Variants in RYR2 observed in about 807,000 individuals in gnomAD.
The protein encoded by RYR2 is cardiac muscle ryanodine receptor-calcium release channel.
In RYR2, 227 loss-of-function variants were observed where a neutral mutation model predicts 601.1. The observed-to-expected ratio is 0.38, with a 90% CI of 0.34 to 0.42. RYR2 has a LOEUF of 0.42. Ranked by LOEUF, RYR2 falls within the 10% of genes least tolerant of loss-of-function variation. The pLI is 1.00. For synonymous variants in RYR2, 2,223 were observed against 2,175.1 expected (o/e 1.02, Z -0.61); for missense variants, 4,646 against 6,156.5 (o/e 0.75, Z 8.21).
intron 35 of RYR2, among the ~76,000 whole-genome samples, chr1:237,604,547 C>T (rs1205937810): frequency 2.6e-5 from 4 of 152,012 alleles, no homozygotes; most frequent in South Asian, 2.1e-4. Context: ...CAAAGGCTAG[C>T]GGAAGGCAAG....
In RYR2 at chr1:237,388,093, T is replaced by G. The variant is rs1313124965; in HGVS notation, c.683T>G (p.Leu228Arg). The change falls in exon 10 of 105, where the codon CTC becomes CGC. Residue 228 changes from leucine to arginine, a missense_variant. Physicochemically the swap from Leu to Arg is moderately radical, Grantham distance 102. Around this residue, in one of 17 missense-constraint regions of RYR2, gnomAD observed 87 missense variants for 144.7 expected, o/e 0.60. Coordinates refer to ENST00000366574, the MANE Select transcript of RYR2 (RefSeq NM_001035.3). Reference sequence around the variant, plus strand: ...TGATTTTTTATCCTTACAGGGTATCTCATTGGTGGTGATGTCCTCAGGTTG... The same window carrying G: ...TGATTTTTTATCCTTACAGGGTATCGCATTGGTGGTGATGTCCTCAGGTTG... ...SSGSEAAQGY[L>R]IGGDVLRLLH... The G allele has an allele frequency of 6.2e-7, 1 of 1,613,588 alleles. No homozygotes were observed.
intron 2 of RYR2, among the ~76,000 whole-genome samples, chr1:237,298,575 C>T (rs1693038136): frequency 1.3e-5 from 2 of 152,094 alleles, no homozygotes; most frequent in South Asian, 4.2e-4. Flanking sequence ...CTATTAGCTT[C>T]ATTTGGATTT....
At chr1:237,626,597 T>C (rs1348650130) in intron 40 of RYR2, among the ~76,000 whole-genome samples, 1 of 130,972 alleles carries the variant, frequency 7.6e-6, no homozygotes, top group African/African-American at 2.9e-5. Flanking sequence ...TTTTTTTTTT[T>C]TTTTTTTTTT....
chr1:237,246,303 C>T (rs1416099509), intron 1 of RYR2, among the ~76,000 whole-genome samples: 1 of 151,838 alleles, frequency 6.6e-6, no homozygotes, highest in Non-Finnish European at 1.5e-5. Flanking sequence ...CCCATGTTTA[C>T]CAGGCTGGTC....
rs746171474 is a variant in RYR2, at chr1:237,742,270, C to CCTT, written c.11092-26_11092-25insCTT. On this transcript the variant is annotated intron_variant, in intron 79 of 104. Transcript: ENST00000366574. The stretch of plus-strand genomic sequence containing the variant: ...TAAAATCTCAACATATTCCTGTCTC[C>CCTT]TTTTTTTTTTTTTTTAAATATACAG... 1.6e-4 allele frequency: 186 copies of CCTT among 1,182,946 alleles called. 4 individuals are homozygous for CCTT. Among genetic ancestry groups the CCTT allele is most frequent in the Admixed American group, 4.0e-4 (15 of 37,392 alleles). 73.3% of individuals were successfully genotyped at this position (1,182,946 alleles called of 1,614,324 possible).
At chr1:237,242,968 T>G (rs1686370084) in intron 1 of RYR2, among the ~76,000 whole-genome samples, 1 of 152,174 alleles carries the variant, frequency 6.6e-6, no homozygotes, top group Non-Finnish European at 1.5e-5. Flanking sequence ...TTTTCCAGGG[T>G]TGCAAACTCT....
chr1:237,583,543 C>T (rs374656652), intron 29 of RYR2, among the ~76,000 whole-genome samples: 12 of 152,050 alleles, frequency 7.9e-5, no homozygotes, highest in African/African-American at 2.7e-4. Context: ...ACATAGTAGG[C>T]CACAAGCAGC....
rs3766839 is a variant in RYR2 at position 237,505,818 on chromosome 1, G to A, written c.2614-892G>A. Among the ~76,000 whole-genome samples, 1,420 of 152,324 alleles carry A rather than the reference G, an allele frequency of 9.3e-3. 34 individuals are homozygous for A. Among genetic ancestry groups the A allele is most frequent in the East Asian group, 0.074 (384 of 5,184 alleles). The stretch of plus-strand genomic sequence containing the variant: ...TCACACAGAAGTGCTTAATCAAGAC[G>A]TAAACAACCAGTCCCTTACCTTGGG... On this transcript the variant is annotated intron_variant, in intron 22 of 104. Coordinates refer to ENST00000366574, the MANE Select transcript of RYR2 (RefSeq NM_001035.3).
intron 25 of RYR2, among the ~76,000 whole-genome samples, chr1:237,533,765 T>A (rs1668352702): frequency 1.3e-5 from 2 of 152,130 alleles, no homozygotes; most frequent in Admixed American, 1.3e-4. Flanking sequence ...GAAATTATAA[T>A]TCTAGATAGT....
At position 237,756,339 on chromosome 1, in the gene RYR2, G is replaced by C; in HGVS notation, c.11197G>C (p.Asp3733His). Reference protein sequence around the residue: ...KLLYQQARLHDRGAAEMVLQT... With the variant: ...KLLYQQARLHHRGAAEMVLQT... ...TCTATACCAGCAAGCCCGACTCCAC[G>C]ATCGTGGCGCGGCTGAGATGGTGCT... The change falls in exon 81 of 105, where the codon GAT becomes CAT. Residue 3733 changes from aspartate to histidine, a missense_variant. Physicochemically the swap from Asp to His is moderately conservative, Grantham distance 81. Around this residue, in one of 17 missense-constraint regions of RYR2, gnomAD observed 1,497 missense variants for 1,842.6 expected, o/e 0.81. Coordinates refer to ENST00000366574, the MANE Select transcript of RYR2 (RefSeq NM_001035.3). 1 of 1,613,628 alleles carries C rather than the reference G, an allele frequency of 6.2e-7. No individual in the cohort carries two copies. Among genetic ancestry groups the C allele is most frequent in the Admixed American group, 1.7e-5 (1 of 59,998 alleles).
intron 26 of RYR2, among the ~76,000 whole-genome samples, chr1:237,549,314 C>T (rs1169690744): frequency 6.6e-6 from 1 of 152,190 alleles, no homozygotes; most frequent in Non-Finnish European, 1.5e-5. Flanking sequence ...GTGGCTCACA[C>T]TTGTAATCCC....
intron 1 of RYR2, among the ~76,000 whole-genome samples, chr1:237,103,788 C>T (rs528745354): frequency 6.6e-4 from 100 of 152,312 alleles, no homozygotes; most frequent in Admixed American, 1.8e-3. Flanking sequence ...AGGCTGGTCT[C>T]GAACTCCTGA....
At chr1:237,252,455 G>A (rs749864778) in intron 1 of RYR2, among the ~76,000 whole-genome samples, 15 of 152,148 alleles carry the variant, frequency 9.9e-5, no homozygotes, top group Admixed American at 2.0e-4. Context: ...CAGCCCTGTC[G>A]TTAGAATTCC....
At chr1:237,089,866 G>T (rs956080985) in intron 1 of RYR2, among the ~76,000 whole-genome samples, 2 of 152,150 alleles carry the variant, frequency 1.3e-5, no homozygotes, top group African/African-American at 4.8e-5. Flanking sequence ...GGCTGGTGTG[G>T]TCGGCTGAAT....
chr1:237,259,546 A>AGAG (rs71585722), intron 1 of RYR2, among the ~76,000 whole-genome samples: 56,350 of 143,774 alleles, frequency 0.39, 13,631 homozygotes, highest in Non-Finnish European at 0.52. Flanking sequence ...AAAAAAAAAA[A>AGAG]AGAGAGACTA....
rs1196206912 is a variant in RYR2 at position 237,500,693 on chromosome 1, A to G, written c.2204-18A>G. 1 of 1,566,094 alleles carries G rather than the reference A, an allele frequency of 6.4e-7. No homozygotes were observed. The highest frequency in any genetic ancestry group is 8.7e-7 in the Non-Finnish European group (1 of 1,154,132). ...ATAAAAAAATACATGACCTTCCTTA[A>G]TGTTTTCCCCCCAATAGGTTGTATT... On this transcript the variant is annotated intron_variant, in intron 20 of 104. Transcript: ENST00000366574.
intron 38 of RYR2, among the ~76,000 whole-genome samples, chr1:237,622,874 G>A (rs1679217465): frequency 6.6e-6 from 1 of 152,148 alleles, no homozygotes; most frequent in African/African-American, 2.4e-5. Flanking sequence ...ATACTCCATG[G>A]ATACTAAAGG....
intron 87 of RYR2, among the ~76,000 whole-genome samples, chr1:237,774,981 C>CTTTAT (rs140069998): frequency 0.26 from 38,768 of 148,504 alleles, 5,751 homozygotes; most frequent in African/African-American, 0.42. Context: ...ATGCAAAACT[C>CTTTAT]TAGGGTGTTG....
intron 67 of RYR2, among the ~76,000 whole-genome samples, 167 bp from the exon 68 acceptor site, chr1:237,706,782 G>A (rs1262336860): frequency 6.6e-6 from 1 of 152,146 alleles, no homozygotes; most frequent in African/African-American, 2.4e-5. Flanking sequence ...GGGAAAGAGA[G>A]AAGCTTTGAA....
Sources: allele counts gnomAD v4.1 joint callset (sites outside exome capture counted in the v4.1 genomes callset), GRCh38; gene constraint gnomAD v4.1.1; regional missense constraint gnomAD v4.1.1; transcripts MANE v1.5; gene names NCBI Gene and HGNC (gene_info 2026-07-23, HGNC 2026-07-21).